Variants in MLLT3 observed in about 807,000 individuals in gnomAD.
MLLT3 encodes the protein MLLT3 super elongation complex subunit.
In MLLT3, 4 loss-of-function variants were observed where a neutral mutation model predicts 53.2. The ratio of observed to expected loss-of-function variants is 0.08; its 90% CI spans 0.04 to 0.17. The LOEUF (loss-of-function observed/expected upper bound fraction) is 0.17, where lower values mean the gene tolerates loss of function less well. Among genes scored for constraint, MLLT3 ranks in the 10% least tolerant of loss-of-function variants. The pLI is 1.00. For synonymous variants in MLLT3, 283 were observed against 230.6 expected (o/e 1.23, Z -2.06); for missense variants, 569 against 684.0 (o/e 0.83, Z 1.87).
intron 5 of MLLT3, among the ~76,000 whole-genome samples, chr9:20,412,467 G>C (rs1822753505): frequency 6.6e-6 from 1 of 150,844 alleles, no homozygotes; most frequent in Non-Finnish European, 1.5e-5. Context: ...GCTATAGAGA[G>C]TAGGGAGATC....
rs1212325061 is a variant in MLLT3, at chr9:20,343,059, C to G, written c.*3384G>C. 1.1e-5 allele frequency: 2 copies of G among 183,578 alleles called. No individual in the cohort carries two copies. The highest frequency in any genetic ancestry group is 4.7e-5 in the African/African-American group (2 of 42,188). 11.4% of individuals were successfully genotyped at this position (183,578 alleles called of 1,614,324 possible). A position where few individuals can be genotyped will look rare whatever the true frequency, so the allele number is the denominator to read the frequency against. ...AAGTTAAAACATTTAAGAGTAAAGT[C>G]TCTCTTAAACAAATATATTAACTAC... is the stretch of plus-strand genomic sequence containing the variant. On this transcript the variant is annotated 3_prime_UTR_variant, in exon 11 of 11. Coordinates refer to ENST00000380338, the MANE Select transcript of MLLT3 (RefSeq NM_004529.4).
chr9:20,363,288 T>C, intron 7 of MLLT3, 188 bp downstream of exon 7: 1 of 571,708 alleles, frequency 1.7e-6, no homozygotes, highest in Non-Finnish European at 2.8e-6. Flanking sequence ...AAAGCCTCTT[T>C]CTGAGAAAAA....
chr9:20,425,811 A>G (rs1000297249), intron 4 of MLLT3, among the ~76,000 whole-genome samples: 3 of 152,068 alleles, frequency 2.0e-5, no homozygotes, highest in African/African-American at 7.2e-5. Flanking sequence ...AGAGAAAAGA[A>G]TAAGTAGTAA....
intron 2 of MLLT3, among the ~76,000 whole-genome samples, chr9:20,545,140 T>G (rs1818753577): frequency 6.8e-6 from 1 of 146,286 alleles, no homozygotes; most frequent in Admixed American, 6.8e-5. Flanking sequence ...GCAGCATTAT[T>G]GACAATAGCC....
intron 2 of MLLT3, among the ~76,000 whole-genome samples, chr9:20,596,576 A>G (rs1820273674): frequency 6.6e-6 from 1 of 152,168 alleles, no homozygotes; most frequent in Non-Finnish European, 1.5e-5. Flanking sequence ...CTGTAGTCCC[A>G]GTTACTTGAG....
intron 2 of MLLT3, among the ~76,000 whole-genome samples, chr9:20,555,910 T>A (rs576195547): frequency 3.3e-5 from 5 of 152,310 alleles, no homozygotes; most frequent in African/African-American, 1.2e-4. Context: ...AACAAATCAT[T>A]AAAAATAAGT....
At chr9:20,347,285 A>T (rs1820901331) in intron 10 of MLLT3, among the ~76,000 whole-genome samples, 1 of 152,140 alleles carries the variant, frequency 6.6e-6, no homozygotes, top group Non-Finnish European at 1.5e-5. Context: ...AAAAATAAAA[A>T]CATATTTATT....
At chr9:20,511,824 G>C (rs954896142) in intron 2 of MLLT3, among the ~76,000 whole-genome samples, 5 of 151,998 alleles carry the variant, frequency 3.3e-5, no homozygotes, top group African/African-American at 1.2e-4. Context: ...CTTAGAAGAG[G>C]AACACCTATA....
intron 8 of MLLT3, among the ~76,000 whole-genome samples, chr9:20,358,694 T>C (rs1821236248): frequency 6.6e-6 from 1 of 152,084 alleles, no homozygotes; most frequent in Admixed American, 6.5e-5. Context: ...AAGCCCACTT[T>C]TCACTATGAT....
chr9:20,620,966 C>T lies in MLLT3; in HGVS notation c.13-132G>A. The T allele has an allele frequency of 9.3e-7, 1 of 1,078,466 alleles. No homozygotes were observed. The highest frequency in any genetic ancestry group is 1.4e-6 in the Non-Finnish European group (1 of 727,960). 66.8% of individuals were successfully genotyped at this position (1,078,466 alleles called of 1,614,324 possible). On this transcript the variant is annotated intron_variant, in intron 1 of 10. Coordinates refer to ENST00000380338, the MANE Select transcript of MLLT3 (RefSeq NM_004529.4). The surrounding 1 kb of genome is among the most constrained non-coding windows in gnomAD (Gnocchi z 6.1). ...AGGAAACGGCGGTGCCCTCTGCATC[C>T]ACGTTTCACGCGCGTGGGCGCGCAC...
intron 5 of MLLT3, among the ~76,000 whole-genome samples, chr9:20,390,330 GA>G (rs1390052443): frequency 2.0e-5 from 3 of 152,092 alleles, no homozygotes; most frequent in African/African-American, 7.2e-5. Flanking sequence ...TACATAGAAT[GA>G]GATCTACTAC....
At chr9:20,391,602 T>C (rs1586913758) in intron 5 of MLLT3, among the ~76,000 whole-genome samples, 1 of 152,228 alleles carries the variant, frequency 6.6e-6, no homozygotes, top group Non-Finnish European at 1.5e-5. Context: ...ATTTACTGAA[T>C]ATTTTCATGA....
chr9:20,511,510 A>T (rs74827666), intron 2 of MLLT3, among the ~76,000 whole-genome samples: 1 of 152,194 alleles, frequency 6.6e-6, no homozygotes, highest in Non-Finnish European at 1.5e-5. Flanking sequence ...GCAACAGTGA[A>T]TTACATTATA....
intron 2 of MLLT3, among the ~76,000 whole-genome samples, chr9:20,501,467 C>T (rs553130604): frequency 1.3e-5 from 2 of 152,274 alleles, no homozygotes; most frequent in South Asian, 4.1e-4. Context: ...TAAAACCACA[C>T]CCGGCCGGGC....
intron 9 of MLLT3, among the ~76,000 whole-genome samples, 174 bp from the exon 10 acceptor site, chr9:20,353,770 C>T (rs1821095618): frequency 6.6e-6 from 1 of 152,206 alleles, no homozygotes; most frequent in Admixed American, 6.5e-5. Context: ...ACAAGCCTGT[C>T]TTGGACCAGT....
intron 4 of MLLT3, among the ~76,000 whole-genome samples, chr9:20,441,849 T>A (rs1258641533): frequency 6.6e-6 from 1 of 152,204 alleles, no homozygotes; most frequent in Non-Finnish European, 1.5e-5. Context: ...CTCTAGGCAC[T>A]GTCTAGATGA....
At chr9:20,444,946 G>C (rs1050214896) in intron 4 of MLLT3, among the ~76,000 whole-genome samples, 2 of 150,954 alleles carry the variant, frequency 1.3e-5, no homozygotes, top group African/African-American at 4.9e-5. Flanking sequence ...TTTTTAATTA[G>C]TAAATGTGGT....
chr9:20,424,932 T>C lies in MLLT3; in HGVS notation c.421-10507A>G, dbSNP rs147625370. Among the ~76,000 whole-genome samples the C allele has an allele frequency of 2.2e-3, 337 of 152,328 alleles. 1 individual carries two copies. Among genetic ancestry groups the C allele is most frequent in the African/African-American group, 7.3e-3 (302 of 41,580 alleles). On this transcript the variant is annotated intron_variant, in intron 4 of 10. Coordinates refer to ENST00000380338, the MANE Select transcript of MLLT3 (RefSeq NM_004529.4). ...CTTTATAAATAACATGTATATGCAA[T>C]GTGGCCGGGCACAAAGCAGGAACTA...
intron 2 of MLLT3, among the ~76,000 whole-genome samples, chr9:20,489,834 T>A (rs542560881): frequency 1.3e-5 from 2 of 152,276 alleles, no homozygotes; most frequent in South Asian, 4.2e-4. Context: ...AAAGGGAAAC[T>A]ACATGTTGTA....
Sources: allele counts gnomAD v4.1 joint callset (sites outside exome capture counted in the v4.1 genomes callset), GRCh38; gene constraint gnomAD v4.1.1; non-coding constraint Gnocchi (gnomAD v3.1); transcripts MANE v1.5; gene names NCBI Gene and HGNC (gene_info 2026-07-23, HGNC 2026-07-21).